The following CCDC91 variants were observed in gnomAD, a reference collection of about 807,000 sequenced individuals.
The protein encoded by CCDC91 is coiled-coil domain containing 91, also known as coiled-coil domain-containing protein 91.
A neutral mutation model predicts 63.2 loss-of-function variants in CCDC91; 48 were observed. That is an observed-to-expected ratio of 0.76 (90% CI 0.60 to 0.97). The LOEUF is 0.97. Ranked by LOEUF, CCDC91 falls within the 50% of genes least tolerant of loss-of-function variation. CCDC91 has a pLI of 0.00. For synonymous variants in CCDC91, 167 were observed against 165.8 expected, an observed-to-expected ratio of 1.01 and a Z score of -0.06; for missense variants, 500 against 494.6, an observed-to-expected ratio of 1.01 and a Z score of -0.10.
At chr12:28,475,938 T>A (rs1951062005) in intron 11 of CCDC91, among the ~76,000 whole-genome samples, 1 of 152,032 alleles carries the variant, frequency 6.6e-6, no homozygotes, top group African/African-American at 2.4e-5. Flanking sequence ...ATTACATTTC[T>A]GATTATACAG....
chr12:28,379,590 A>C (rs1158540785), intron 7 of CCDC91, among the ~76,000 whole-genome samples: 1 of 152,204 alleles, frequency 6.6e-6, no homozygotes, highest in Admixed American at 6.5e-5. Flanking sequence ...GAGAAATGCA[A>C]ATCAAAACCA....
At chr12:28,209,743 T>C (rs1943101289) in intron 1 of CCDC91, among the ~76,000 whole-genome samples, 1 of 152,248 alleles carries the variant, frequency 6.6e-6, no homozygotes, top group Non-Finnish European at 1.5e-5. Flanking sequence ...AGATTTTTTA[T>C]AACACTTTCA....
At chr12:28,448,210 T>C (rs1371184494) in intron 8 of CCDC91, among the ~76,000 whole-genome samples, 3 of 152,104 alleles carry the variant, frequency 2.0e-5, no homozygotes, top group Admixed American at 2.0e-4. Context: ...AGCTGACTCA[T>C]CTGAAAATAA....
chr12:28,358,936 C>T (rs1943695497), intron 6 of CCDC91, among the ~76,000 whole-genome samples: 1 of 152,110 alleles, frequency 6.6e-6, no homozygotes, highest in South Asian at 2.1e-4. Context: ...TGCTCTGTTG[C>T]CCAGGCTGGA....
At chr12:28,427,619 T>A (rs1948397101) in intron 8 of CCDC91, among the ~76,000 whole-genome samples, 1 of 152,194 alleles carries the variant, frequency 6.6e-6, no homozygotes, top group African/African-American at 2.4e-5. Context: ...CCAGTTTATA[T>A]CTCCAGCAAC....
intron 6 of CCDC91, among the ~76,000 whole-genome samples, chr12:28,326,333 T>C (rs1472941116): frequency 6.6e-6 from 1 of 152,020 alleles, no homozygotes; most frequent in South Asian, 2.1e-4. Flanking sequence ...TGTAGACTTA[T>C]AGCAAATTTA....
rs749715388 is a variant in CCDC91, at chr12:28,449,071, G to GT, written c.763-1085dup. On this transcript the variant is annotated intron_variant, in intron 8 of 12. Transcript: ENST00000536442. ...ATGATTTGTATCACAGTTTGGATTT[G>GT]TTTTTAAGGAAAAACACATCTTTCA... Among the ~76,000 whole-genome samples, 127 of 151,876 alleles carry GT rather than the reference G, an allele frequency of 8.4e-4. 1 individual carries two copies. The highest frequency in any genetic ancestry group is 1.5e-3 in the Non-Finnish European group (105 of 67,860).
chr12:28,494,372 A>T (rs1157813870), intron 12 of CCDC91, among the ~76,000 whole-genome samples: 2 of 151,746 alleles, frequency 1.3e-5, no homozygotes, highest in Non-Finnish European at 2.9e-5. Flanking sequence ...TACCACAAAG[A>T]GTTCCACCTA....
chr12:28,420,881 G>T (rs1428768767), intron 8 of CCDC91, among the ~76,000 whole-genome samples: 2 of 151,592 alleles, frequency 1.3e-5, no homozygotes, highest in Non-Finnish European at 2.9e-5. Context: ...TGTTTTTTGA[G>T]TTCTTAAATA....
At chr12:28,495,139 A>T (rs1295258509) in intron 12 of CCDC91, among the ~76,000 whole-genome samples, 1 of 151,692 alleles carries the variant, frequency 6.6e-6, no homozygotes, top group Non-Finnish European at 1.5e-5. Flanking sequence ...AGCTACCTTG[A>T]TGAGGAAGGC....
At position 28,456,271 on chromosome 12, in the gene CCDC91, T is replaced by C. The variant is rs534296528; in HGVS notation, c.1101+3617T>C. Among the ~76,000 whole-genome samples, 6 of 152,188 alleles carry C rather than the reference T, an allele frequency of 3.9e-5. No homozygotes were observed. The South Asian group carries it at 1.2e-3, about 32-fold the overall frequency. ...GCTTTCACAGAGCTTACATTCAAGTTGGAAAAGAGCTATGATAAGCAAATC... is the reference window on the plus strand; with the variant it reads ...GCTTTCACAGAGCTTACATTCAAGTCGGAAAAGAGCTATGATAAGCAAATC... On this transcript the variant is annotated intron_variant, in intron 11 of 12. Transcript: ENST00000536442.
intron 12 of CCDC91, among the ~76,000 whole-genome samples, chr12:28,500,464 A>G (rs548411186): frequency 4.0e-5 from 6 of 149,848 alleles, no homozygotes; most frequent in South Asian, 4.2e-4. Context: ...TTCTAGGGGC[A>G]CCTCATTTTT....
At chr12:28,237,925 A>G (rs1172210192) in intron 1 of CCDC91, among the ~76,000 whole-genome samples, 1 of 152,074 alleles carries the variant, frequency 6.6e-6, no homozygotes. Flanking sequence ...ATCCTTATAC[A>G]TTGGGTCACA....
At chr12:28,412,470 C>T (rs187632501) in intron 8 of CCDC91, among the ~76,000 whole-genome samples, 2 of 152,212 alleles carry the variant, frequency 1.3e-5, no homozygotes, top group African/African-American at 2.4e-5. Flanking sequence ...TCATCTCTTC[C>T]CCATCTTTCA....
intron 6 of CCDC91, among the ~76,000 whole-genome samples, chr12:28,333,712 T>C (rs1941699436): frequency 6.6e-6 from 1 of 152,192 alleles, no homozygotes; most frequent in African/African-American, 2.4e-5. Flanking sequence ...TTGATTACCT[T>C]TATTGCAGCT....
intron 12 of CCDC91, among the ~76,000 whole-genome samples, chr12:28,533,534 T>C (rs963175770): frequency 1.2e-4 from 19 of 152,176 alleles, no homozygotes; most frequent in African/African-American, 4.6e-4. Context: ...AAATTACTTA[T>C]TATTGGTAAC....
chr12:28,549,129 C>G lies in CCDC91; in HGVS notation c.1282C>G (p.Gln428Glu). 6.2e-7 allele frequency: 1 copy of G among 1,612,300 alleles called. No homozygotes were observed. Among genetic ancestry groups the G allele is most frequent in the Non-Finnish European group, 8.5e-7 (1 of 1,178,754 alleles). The change falls in exon 13 of 13, where the codon CAG becomes GAG. Residue 428 changes from glutamine to glutamate, a missense_variant. Physicochemically the swap from Gln to Glu is conservative, Grantham distance 29. Transcript: ENST00000536442. ...ACTGTTCCTCTCCTGTGCACAGAAA[C>G]AGTTAAGTGCTTTAATAGCTACGGA... ...LELFLSCAQKQLSALIATEPV... is the reference protein window; with the variant it reads ...LELFLSCAQKELSALIATEPV...
intron 12 of CCDC91, among the ~76,000 whole-genome samples, chr12:28,506,304 A>G (rs1938706664): frequency 6.6e-6 from 1 of 151,988 alleles, no homozygotes; most frequent in South Asian, 2.1e-4. Context: ...GTGCTCTCAT[A>G]ATGAAAAATA....
At chr12:28,343,276 C>G (rs1942573416) in intron 6 of CCDC91, among the ~76,000 whole-genome samples, 1 of 151,366 alleles carries the variant, frequency 6.6e-6, no homozygotes, top group African/African-American at 2.4e-5. Context: ...ATATAATAAA[C>G]AGCATAATGT....
Sources: allele counts gnomAD v4.1 joint callset (sites outside exome capture counted in the v4.1 genomes callset), GRCh38; gene constraint gnomAD v4.1.1; transcripts MANE v1.5; gene names NCBI Gene and HGNC (gene_info 2026-07-23, HGNC 2026-07-21).